The following TMEM132B variants were observed in gnomAD, a reference collection of about 807,000 sequenced individuals.
TMEM132B encodes transmembrane protein 132B.
Under a neutral mutation model 90.8 loss-of-function variants are expected in TMEM132B, and 18 were observed. The ratio of observed to expected loss-of-function variants is 0.20; its 90% CI spans 0.14 to 0.29. The LOEUF (loss-of-function observed/expected upper bound fraction) is 0.29, where lower values mean the gene tolerates loss of function less well. Ranked by LOEUF, TMEM132B falls within the 10% of genes least tolerant of loss-of-function variation. The pLI, the probability that TMEM132B is intolerant of heterozygous loss-of-function variation, is 1.00. For missense variants in TMEM132B, 1,096 were observed against 1,326.8 expected, an observed-to-expected ratio of 0.83 and a Z score of 2.70; for synonymous variants, 504 against 523.3, an observed-to-expected ratio of 0.96 and a Z score of 0.50.
intron 3 of TMEM132B, among the ~76,000 whole-genome samples, chr12:125,439,974 TG>T (rs1880822045): frequency 2.0e-5 from 3 of 152,244 alleles, no homozygotes; most frequent in Admixed American, 2.0e-4. Context: ...TCACATTTAT[TG>T]ATTTGTGTAT....
Position 125,589,254 on chromosome 12 carries a change from G to A in TMEM132B, c.1437+5260G>A, listed in dbSNP as rs571362703. On this transcript the variant is annotated intron_variant, in intron 5 of 8. Transcript: ENST00000682704. ...TCCCAGCACTTTGGGAGGCCAAGGC[G>A]GGCAGATCACGAGGTCAGGAGATCG... Among the ~76,000 whole-genome samples the A allele has an allele frequency of 9.7e-4, 148 of 152,018 alleles. 3 individuals are homozygous for A. In the South Asian group the frequency reaches 0.013, roughly 14 times the overall value.
Position 125,649,479 on chromosome 12 carries a change from A to G in TMEM132B, c.1644-1204A>G, listed in dbSNP as rs575532633. Among the ~76,000 whole-genome samples the G allele has an allele frequency of 4.7e-4, 71 of 152,362 alleles. 1 individual carries two copies. Among genetic ancestry groups the G allele is most frequent in the South Asian group, 4.6e-3 (22 of 4,828 alleles). The stretch of plus-strand genomic sequence containing the variant: ...TGTGTGGCCCTGGCTGAGTGGCCGC[A>G]CAAACCATGTCTTGGTTTCCTCATT... On this transcript the variant is annotated intron_variant, in intron 6 of 8. Transcript: ENST00000682704.
At chr12:125,310,664 C>T (rs1041695453) in intron 1 of TMEM132B, among the ~76,000 whole-genome samples, 2 of 152,220 alleles carry the variant, frequency 1.3e-5, no homozygotes, top group Admixed American at 1.3e-4. Context: ...TGGCTGCTTC[C>T]TCTGGTAGGC....
intron 3 of TMEM132B, among the ~76,000 whole-genome samples, chr12:125,436,053 G>C (rs1172168679): frequency 2.6e-5 from 4 of 152,078 alleles, no homozygotes; most frequent in African/African-American, 9.7e-5. Context: ...TCTGTTCCGA[G>C]GCAAAGCATC....
chr12:125,271,376 C>T (rs930282311), intron 1 of TMEM132B, among the ~76,000 whole-genome samples: 6 of 152,082 alleles, frequency 3.9e-5, no homozygotes, highest in African/African-American at 1.4e-4. Flanking sequence ...TATGATTGAT[C>T]GTGGGAAGGA....
chr12:125,509,060 A>G (rs1882916224), intron 3 of TMEM132B, among the ~76,000 whole-genome samples: 2 of 152,132 alleles, frequency 1.3e-5, no homozygotes, highest in Admixed American at 1.3e-4. Flanking sequence ...CTGGGATTAC[A>G]GGTGTGAGCC....
chr12:125,196,474 G>A (rs1165016849), intron 1 of TMEM132B, among the ~76,000 whole-genome samples: 1 of 152,182 alleles, frequency 6.6e-6, no homozygotes, highest in African/African-American at 2.4e-5. Context: ...TTGGGAGGCC[G>A]AGGTGGGTGG....
intron 1 of TMEM132B, among the ~76,000 whole-genome samples, chr12:125,222,906 A>G (rs1190191889): frequency 6.6e-6 from 1 of 152,210 alleles, no homozygotes; most frequent in Non-Finnish European, 1.5e-5. Context: ...GTCTGTTCTC[A>G]CTCATCCCAT....
intron 5 of TMEM132B, among the ~76,000 whole-genome samples, chr12:125,631,612 T>C (rs1886370106): frequency 6.6e-6 from 1 of 152,188 alleles, no homozygotes; most frequent in South Asian, 2.1e-4. Context: ...TATTATTGTA[T>C]TGGAGTCTGT....
intron 5 of TMEM132B, among the ~76,000 whole-genome samples, chr12:125,613,837 A>G (rs1885922191): frequency 6.6e-6 from 1 of 152,028 alleles, no homozygotes; most frequent in Non-Finnish European, 1.5e-5. Context: ...TAGTTTGTTT[A>G]TTAACTTCCT....
chr12:125,241,882 T>C (rs374234071), intron 1 of TMEM132B, among the ~76,000 whole-genome samples: 4 of 152,180 alleles, frequency 2.6e-5, no homozygotes, highest in East Asian at 3.8e-4. Flanking sequence ...GTATCTGTGG[T>C]CCACCTGTTC....
chr12:125,595,810 G>A (rs1440175851), intron 5 of TMEM132B, among the ~76,000 whole-genome samples: 3 of 151,712 alleles, frequency 2.0e-5, no homozygotes, highest in Non-Finnish European at 2.9e-5. Flanking sequence ...ATTAAAGAGA[G>A]TGAAATTTCA....
intron 1 of TMEM132B, among the ~76,000 whole-genome samples, chr12:125,188,915 T>A (rs1011629147): frequency 2.7e-5 from 4 of 148,970 alleles, no homozygotes; most frequent in Non-Finnish European, 5.9e-5. Flanking sequence ...TGCCTACACT[T>A]GGTTTTGAGA....
At chr12:125,208,781 G>A (rs1201049602) in intron 1 of TMEM132B, among the ~76,000 whole-genome samples, 2 of 152,184 alleles carry the variant, frequency 1.3e-5, no homozygotes, top group Admixed American at 1.3e-4. Flanking sequence ...CCACAGCCCT[G>A]TGGTAAACAG....
rs114648622 is a variant in TMEM132B, at chr12:125,254,166, G to A, written c.67+67300G>A. Among the ~76,000 whole-genome samples the A allele has an allele frequency of 3.0e-3, 453 of 152,264 alleles. 3 individuals carry two copies. The highest frequency in any genetic ancestry group is 0.01 in the African/African-American group (428 of 41,540). On this transcript the variant is annotated intron_variant, in intron 1 of 8. Coordinates refer to ENST00000682704, the MANE Select transcript of TMEM132B (RefSeq NM_001366854.1). ...TTAGCTGGGCCTGTGGTGCATGTCT[G>A]TGGTCCCAGCTATTCAGAAAGCTGA...
Position 125,650,756 on chromosome 12 carries a change from G to A in TMEM132B, c.1717G>A (p.Ala573Thr), listed in dbSNP as rs550549644. The change falls in exon 7 of 9, where the codon GCC (alanine) becomes ACC (threonine). Residue 573 changes from alanine (A) to threonine (T), a missense_variant. Ala to Thr is a moderately conservative substitution (Grantham distance 58). Coordinates refer to ENST00000682704, the MANE Select transcript of TMEM132B (RefSeq NM_001366854.1). ...GRGCSLQYQHATVRVLTQFVA... is the reference protein window; with the variant it reads ...GRGCSLQYQHTTVRVLTQFVA... ...AGGCTGCTCCCTGCAGTACCAGCAC[G>A]CCACAGTGCGTGTCCTCACCCAGTT... 42 of 1,614,204 alleles carry A rather than the reference G, an allele frequency of 2.6e-5. No individual in the cohort carries two copies. The highest frequency in any genetic ancestry group is 5.0e-5 in the Admixed American group (3 of 60,024).
intron 4 of TMEM132B, among the ~76,000 whole-genome samples, chr12:125,529,662 C>G (rs1004222617): frequency 1.3e-5 from 2 of 152,168 alleles, no homozygotes; most frequent in African/African-American, 2.4e-5. Context: ...GCCACATGGG[C>G]CCTTGGGGTC....
intron 1 of TMEM132B, among the ~76,000 whole-genome samples, chr12:125,302,616 C>T (rs1197763272): frequency 7.2e-5 from 11 of 152,062 alleles, no homozygotes; most frequent in Admixed American, 5.9e-4. Flanking sequence ...TCTGGATTTT[C>T]GGTGCTTGCA....
At chr12:125,187,970 A>G (rs187111447) in intron 1 of TMEM132B, among the ~76,000 whole-genome samples, 2 of 152,186 alleles carry the variant, frequency 1.3e-5, no homozygotes, top group African/African-American at 2.4e-5. Context: ...TCGCACAGAC[A>G]GGCAGAATGC....
Sources: gnomAD v4.1 joint callset for allele counts (sites outside exome capture counted in the v4.1 genomes callset) on GRCh38, gnomAD v4.1.1 for gene constraint, MANE v1.5 for transcripts, NCBI Gene and HGNC (gene_info 2026-07-23, HGNC 2026-07-21) for gene names.